Variants in F13A1 observed in about 807,000 individuals in gnomAD.
F13A1 encodes FSF, A subunit.
A neutral mutation model predicts 80.1 loss-of-function variants in F13A1; 47 were observed. The observed-to-expected ratio is 0.59, with a 90% CI of 0.46 to 0.75. The LOEUF is 0.75. Ranked by LOEUF, F13A1 falls within the 30% of genes least tolerant of loss-of-function variation. F13A1 has a pLI of 0.00. For synonymous variants in F13A1, 349 were observed against 344.9 expected, an observed-to-expected ratio of 1.01 and a Z score of -0.13; for missense variants, 817 against 930.4, an observed-to-expected ratio of 0.88 and a Z score of 1.59.
intron 10 of F13A1, among the ~76,000 whole-genome samples, chr6:6,184,749 C>T (rs576026678): frequency 6.6e-6 from 1 of 152,150 alleles, no homozygotes; most frequent in African/African-American, 2.4e-5. Flanking sequence ...CCTGCCCCCC[C>T]ACCTTGAATA....
chr6:6,243,892 C>T lies in F13A1; in HGVS notation c.798+4420G>A, dbSNP rs767273290. Among the ~76,000 whole-genome samples the T allele has an allele frequency of 1.2e-4, 18 of 152,200 alleles. No homozygotes were observed. The highest frequency in any genetic ancestry group is 3.8e-4 in the East Asian group (2 of 5,200). ...AATAACGAGCCTTTATCTGCAGTAGCGGCAGCCTTTGCAGAAGCAGCTGCA... is the reference window on the plus strand; with the variant it reads ...AATAACGAGCCTTTATCTGCAGTAGTGGCAGCCTTTGCAGAAGCAGCTGCA... On this transcript the variant is annotated intron_variant, in intron 6 of 14. Transcript: ENST00000264870. This position sits in a 1 kb window ranked among gnomAD's most constrained non-coding sequence, Gnocchi z 4.2.
intron 3 of F13A1, among the ~76,000 whole-genome samples, chr6:6,267,853 G>A (rs1432851310): frequency 6.6e-6 from 1 of 152,210 alleles, no homozygotes; most frequent in Non-Finnish European, 1.5e-5. Flanking sequence ...TACCTGTTAT[G>A]TGCTCAACCT....
In F13A1 at chr6:6,186,483, C is replaced by A. The variant is rs568546522; in HGVS notation, c.1306-4342G>T. On this transcript the variant is annotated intron_variant, in intron 10 of 14. Transcript: ENST00000264870. Reference sequence around the variant, plus strand: ...AGCACCATTTATTAAATAGGGAATCCTTTCCCCATTGCTTGTTTTTGTCAG... The same window carrying A: ...AGCACCATTTATTAAATAGGGAATCATTTCCCCATTGCTTGTTTTTGTCAG... Among the ~76,000 whole-genome samples the A allele has an allele frequency of 4.6e-3, 698 of 152,290 alleles. 3 individuals carry two copies. The highest frequency in any genetic ancestry group is 0.015 in the African/African-American group (631 of 41,560).
At chr6:6,180,845 G>T (rs966965701) in intron 11 of F13A1, among the ~76,000 whole-genome samples, 1 of 152,194 alleles carries the variant, frequency 6.6e-6, no homozygotes, top group East Asian at 1.9e-4. Flanking sequence ...TAAGAGCAGG[G>T]AGACTGTCTA....
Position 6,204,048 on chromosome 6 carries a change from A to G in F13A1, c.1113-6722T>C, listed in dbSNP as rs563883906. Among the ~76,000 whole-genome samples, 19 of 152,298 alleles carry G rather than the reference A, an allele frequency of 1.2e-4. No individual in the cohort carries two copies. The South Asian group carries it at 3.9e-3, about 32-fold the overall frequency. ...CTAAGGTCATATCCAGAGGTATAGG[A>G]GCCTATGGGGTGGTGAAGAGCTGGA... On this transcript the variant is annotated intron_variant, in intron 8 of 14. Coordinates refer to ENST00000264870, the MANE Select transcript of F13A1 (RefSeq NM_000129.4).
intron 11 of F13A1, among the ~76,000 whole-genome samples, chr6:6,176,556 T>C (rs374163709): frequency 1.7e-4 from 26 of 152,298 alleles, no homozygotes; most frequent in African/African-American, 6.3e-4. Context: ...TGTGTGTGTA[T>C]TAACGATTTC....
At chr6:6,289,508 G>GA (rs1009678844) in intron 3 of F13A1, among the ~76,000 whole-genome samples, 7 of 149,376 alleles carry the variant, frequency 4.7e-5, no homozygotes, top group South Asian at 4.2e-4. Flanking sequence ...TCCTTTGGGG[G>GA]AAAAAAAGGA....
At chr6:6,201,243 G>A (rs1400909188) in intron 8 of F13A1, among the ~76,000 whole-genome samples, 2 of 152,212 alleles carry the variant, frequency 1.3e-5, no homozygotes, top group Admixed American at 6.5e-5. Flanking sequence ...CTTTTCAAAT[G>A]ACCAGGACCC....
chr6:6,181,949 C>G (rs768511093), intron 11 of F13A1, 39 bp downstream of exon 11: 1 of 1,611,664 alleles, frequency 6.2e-7, no homozygotes, highest in Non-Finnish European at 8.5e-7. Flanking sequence ...ACTCAATGGA[C>G]TTGGGCAAAT....
intron 2 of F13A1, among the ~76,000 whole-genome samples, chr6:6,312,349 G>A (rs1758614549): frequency 6.6e-6 from 1 of 151,800 alleles, no homozygotes; most frequent in South Asian, 2.1e-4. Context: ...GCAGTGATAA[G>A]TAAAACTTTC....
chr6:6,153,063 A>G (rs1760406223), intron 13 of F13A1, among the ~76,000 whole-genome samples: 1 of 152,176 alleles, frequency 6.6e-6, no homozygotes, highest in African/African-American at 2.4e-5. Context: ...TTCACCTTAT[A>G]TTTCAGCCCA....
chr6:6,313,280 C>CTTTTT (rs5874027), intron 2 of F13A1, among the ~76,000 whole-genome samples: 6 of 126,784 alleles, frequency 4.7e-5, no homozygotes, highest in African/African-American at 1.8e-4. Flanking sequence ...GCTAAGCCGC[C>CTTTTT]TTTTTTTTTT....
At chr6:6,151,790 G>C in intron 14 of F13A1, 23 bp downstream of exon 14, 8 of 1,613,756 alleles carry the variant, frequency 5.0e-6, no homozygotes, top group Non-Finnish European at 6.8e-6. Context: ...CTGCCTGCCC[G>C]GTCTCCCCAA....
At chr6:6,270,947 T>A (rs1425262392) in intron 3 of F13A1, among the ~76,000 whole-genome samples, 1 of 152,106 alleles carries the variant, frequency 6.6e-6, no homozygotes, top group Non-Finnish European at 1.5e-5. Flanking sequence ...GCCAACTCAT[T>A]TTTTTGTGAT....
chr6:6,278,735 G>A (rs1170358962), intron 3 of F13A1, among the ~76,000 whole-genome samples: 1 of 152,174 alleles, frequency 6.6e-6, no homozygotes, highest in African/African-American at 2.4e-5. Context: ...GGAATTGTGG[G>A]AGACGAGAAA....
intron 10 of F13A1, among the ~76,000 whole-genome samples, chr6:6,186,904 C>A (rs1318889676): frequency 7.0e-6 from 1 of 143,690 alleles, no homozygotes; most frequent in Non-Finnish European, 1.5e-5. Context: ...TTTCCTTGAG[C>A]AGTGGTTTGT....
intron 6 of F13A1, among the ~76,000 whole-genome samples, chr6:6,240,559 C>T (rs139409474): frequency 0.012 from 1,755 of 152,302 alleles, 28 homozygotes; most frequent in Non-Finnish European, 0.017. Context: ...TACCAGCAAC[C>T]TTGGATAAAG....
At chr6:6,208,846 A>G (rs1277500180) in intron 8 of F13A1, among the ~76,000 whole-genome samples, 1 of 152,188 alleles carries the variant, frequency 6.6e-6, no homozygotes, top group Non-Finnish European at 1.5e-5. Flanking sequence ...CTCAAAATGA[A>G]TCCCAGACCT....
intron 8 of F13A1, among the ~76,000 whole-genome samples, chr6:6,213,342 T>C (rs1414299030): frequency 5.3e-5 from 8 of 151,914 alleles, no homozygotes; most frequent in African/African-American, 1.2e-4. Context: ...CGGCAGAAAC[T>C]CTACAAGCCA....
Sources: gnomAD v4.1 joint callset for allele counts (sites outside exome capture counted in the v4.1 genomes callset) on GRCh38, gnomAD v4.1.1 for gene constraint, Gnocchi (gnomAD v3.1) non-coding constraint, MANE v1.5 for transcripts, NCBI Gene and HGNC (gene_info 2026-07-23, HGNC 2026-07-21) for gene names.